PPP4R1: variants seen among roughly 807,000 people sequenced by gnomAD.
The protein encoded by PPP4R1 is serine/threonine-protein phosphatase 4 regulatory subunit 1.
PPP4R1 carries 42 observed loss-of-function variants against 111.2 expected under a neutral mutation model. The observed-to-expected ratio is 0.38, with a 90% CI of 0.29 to 0.49. PPP4R1 has a LOEUF of 0.49. Among genes scored for constraint, PPP4R1 ranks in the 20% least tolerant of loss-of-function variants. The pLI is 0.97. For missense variants in PPP4R1, 1,012 were observed against 1,161.6 expected (o/e 0.87, Z 1.87); for synonymous variants, 409 against 405.5 (o/e 1.01, Z -0.10).
At chr18:9,613,616 A>G (rs188037878) in intron 2 of PPP4R1, 15 of 142,820 alleles carry the variant, frequency 1.1e-4, no homozygotes, top group African/African-American at 3.7e-4. Context: ...CAAACCTAGT[A>G]ATTCCTGCGG....
At chr18:9,588,900 C>A (rs1246155514) in intron 4 of PPP4R1, 47 bp from the exon 5 acceptor site, 1 of 1,595,276 alleles carries the variant, frequency 6.3e-7, no homozygotes, top group South Asian at 1.1e-5. Context: ...CCTGCAGCAA[C>A]AAAACCTTTA....
intron 16 of PPP4R1, chr18:9,551,584 A>T (rs552042376): frequency 1.3e-5 from 2 of 152,392 alleles, no homozygotes; most frequent in East Asian, 3.9e-4. Context: ...GAAGCAACTG[A>T]CTGACAGCCA....
At chr18:9,597,469 T>C (rs1387392206) in intron 2 of PPP4R1, among the ~76,000 whole-genome samples, 2 of 152,194 alleles carry the variant, frequency 1.3e-5, no homozygotes, top group Admixed American at 1.3e-4. Context: ...TAGGTGAGTA[T>C]TGAAACAGTT....
chr18:9,548,103 T>C, intron 19 of PPP4R1, 151 bp from the exon 20 acceptor site: 1 of 760,740 alleles, frequency 1.3e-6, no homozygotes. Flanking sequence ...AACTGATTTG[T>C]TATAGGAAGA....
At chr18:9,594,685 G>T in intron 3 of PPP4R1, 1 of 210,776 alleles carries the variant, frequency 4.7e-6, no homozygotes. Context: ...AGCATCACCC[G>T]TCATACAGCA....
chr18:9,576,953 T>C (rs548953547), intron 10 of PPP4R1, 111 bp downstream of exon 10: 98 of 1,082,234 alleles, frequency 9.1e-5, no homozygotes, highest in African/African-American at 5.5e-4. Context: ...TCAAGAGAAA[T>C]AGCAAACTAT....
rs766977564 is a variant in PPP4R1, at chr18:9,584,779, A to T, written c.635T>A (p.Leu212His). Residue 212 changes from leucine to histidine, a missense_variant, in exon 7 of 20, where the codon CTT (leucine) becomes CAT (histidine). By Grantham distance (99) the Leu-to-His change is moderately conservative. This residue lies in a region of PPP4R1 where 707 missense variants were observed against 742.1 expected (regional missense o/e 0.95). Coordinates refer to ENST00000400556, the MANE Select transcript of PPP4R1 (RefSeq NM_001042388.3). ...PMVGKDITER[L>H]ILPRFCEMCC... ...CATCTCACAAAACCTAGGGAGGATA[A>T]GACGCTCTGTAATATCCTTCCCAAC... The T allele has an allele frequency of 1.4e-4, 219 of 1,613,644 alleles. No individual in the cohort carries two copies. Among genetic ancestry groups the T allele is most frequent in the Non-Finnish European group, 1.8e-4 (215 of 1,179,764 alleles).
At chr18:9,569,540 T>C (rs1401858155) in intron 11 of PPP4R1, among the ~76,000 whole-genome samples, 1 of 152,196 alleles carries the variant, frequency 6.6e-6, no homozygotes, top group Non-Finnish European at 1.5e-5. Context: ...AAAGCACTGT[T>C]TGAATGACTG....
upstream of PPP4R1, chr18:9,615,364 A>C (rs2067676508): frequency 6.6e-6 from 1 of 152,258 alleles, no homozygotes; most frequent in Non-Finnish European, 1.5e-5. Context: ...TGTAGAATGA[A>C]GGTGATAACT....
Position 9,547,668 on chromosome 18 carries a change from G to A in PPP4R1, c.*121C>T. On this transcript the variant is annotated 3_prime_UTR_variant, in exon 20 of 20. Transcript: ENST00000400556. ...GGTGTAGGCAACTTGCACCTGCAAT[G>A]AAGTCCGCAGGAGAGGAAGGTCTCT... 1 of 1,238,124 alleles carries A rather than the reference G, an allele frequency of 8.1e-7. No individual in the cohort carries two copies. The highest frequency in any genetic ancestry group is 1.1e-6 in the Non-Finnish European group (1 of 880,658). The allele number at this position is 1,238,124 out of a possible 1,614,324, so 76.7% of individuals were successfully genotyped here. A position where few individuals can be genotyped will look rare whatever the true frequency, so the allele number is the denominator to read the frequency against.
At chr18:9,577,829 A>G (rs1354484865) in intron 9 of PPP4R1, among the ~76,000 whole-genome samples, 4 of 152,376 alleles carry the variant, frequency 2.6e-5, no homozygotes, top group East Asian at 1.9e-4. Flanking sequence ...AACAAAAAGA[A>G]TAAGGAAAAC....
At chr18:9,566,228 TAA>T (rs1323924058) in intron 11 of PPP4R1, among the ~76,000 whole-genome samples, 1 of 151,378 alleles carries the variant, frequency 6.6e-6, no homozygotes, top group Non-Finnish European at 1.5e-5. Flanking sequence ...TCAACACAGA[TAA>T]AACAGTCTTC....
In PPP4R1 at chr18:9,593,888, A is replaced by C. The variant is rs761177736; in HGVS notation, c.189-14T>G. 5.0e-6 allele frequency: 8 copies of C among 1,599,838 alleles called. No individual in the cohort carries two copies. Among genetic ancestry groups the C allele is most frequent in the Non-Finnish European group, 6.8e-6 (8 of 1,168,290 alleles). On this transcript the variant is annotated splice_polypyrimidine_tract_variant and intron_variant, in intron 3 of 19. Coordinates refer to ENST00000400556, the MANE Select transcript of PPP4R1 (RefSeq NM_001042388.3). ...GCCACCATTTGTCTACACAAAAAAAACAAAATTATGTATGTTCAATGGCAT... is the reference window on the plus strand; with the variant it reads ...GCCACCATTTGTCTACACAAAAAAACCAAAATTATGTATGTTCAATGGCAT...
chr18:9,566,664 C>CTG (rs2145087390), intron 11 of PPP4R1, among the ~76,000 whole-genome samples: 2 of 144,790 alleles, frequency 1.4e-5, no homozygotes, highest in South Asian at 4.4e-4. Flanking sequence ...CACACACACA[C>CTG]ACACACACAC....
At chr18:9,563,235 T>C (rs1370711233) in intron 12 of PPP4R1, 143 bp downstream of exon 12, 1 of 1,248,808 alleles carries the variant, frequency 8.0e-7, no homozygotes, top group East Asian at 2.6e-5. Flanking sequence ...ATGAAAACAA[T>C]TACTTTATGC....
chr18:9,574,522 A>G (rs2066908475), intron 10 of PPP4R1, among the ~76,000 whole-genome samples: 2 of 152,226 alleles, frequency 1.3e-5, no homozygotes. Flanking sequence ...GCTAAACTGG[A>G]AAAATCCAGC....
intron 6 of PPP4R1, chr18:9,587,597 G>C (rs2145212416): frequency 6.6e-6 from 1 of 152,102 alleles, no homozygotes; most frequent in East Asian, 1.9e-4. Context: ...GTAGAGATGG[G>C]GTTTTGCCAT....
intron 2 of PPP4R1, among the ~76,000 whole-genome samples, chr18:9,602,231 G>GT (rs1416031934): frequency 6.6e-6 from 1 of 151,902 alleles, no homozygotes; most frequent in Non-Finnish European, 1.5e-5. Flanking sequence ...TGCCTAAAAT[G>GT]TAATAGTTTA....
Position 9,577,093 on chromosome 18 carries a change from T to A in PPP4R1, c.1017A>T (p.Ser339=), listed in dbSNP as rs1319887536. Residue 339 remains serine, a synonymous_variant, in exon 10 of 20, where the codon TCA becomes TCT. Coordinates refer to ENST00000400556, the MANE Select transcript of PPP4R1 (RefSeq NM_001042388.3). ...GQYFKEESKS[S]EEMSVENKNR... The stretch of plus-strand genomic sequence containing the variant: ...TTTTGTTTTCTACTGACATCTCTTC[T>A]GAACTTTTGCTTTCTTCTTTAAAAT... The A allele has an allele frequency of 6.3e-7, 1 of 1,588,304 alleles. No homozygotes were observed. Among genetic ancestry groups the A allele is most frequent in the Non-Finnish European group, 8.6e-7 (1 of 1,166,240 alleles).
Sources: allele counts gnomAD v4.1 joint callset (sites outside exome capture counted in the v4.1 genomes callset), GRCh38; gene constraint gnomAD v4.1.1; regional missense constraint gnomAD v4.1.1; transcripts MANE v1.5; gene names NCBI Gene and HGNC (gene_info 2026-07-23, HGNC 2026-07-21).